PTPRT: variants seen among roughly 807,000 people sequenced by gnomAD.
PTPRT encodes the protein protein tyrosine phosphatase receptor type T.
PTPRT carries 56 observed loss-of-function variants against 176.8 expected under a neutral mutation model. The ratio of observed to expected loss-of-function variants is 0.32; its 90% CI spans 0.26 to 0.40. PTPRT has a LOEUF of 0.40. Ranked by LOEUF, PTPRT falls within the 10% of genes least tolerant of loss-of-function variation. PTPRT has a pLI of 1.00. For synonymous variants in PTPRT, 783 were observed against 739.0 expected (o/e 1.06, Z -0.96); for missense variants, 1,540 against 1,908.2 (o/e 0.81, Z 3.60).
At chr20:42,718,499 T>C (rs1007390846) in intron 6 of PTPRT, among the ~76,000 whole-genome samples, 1 of 152,014 alleles carries the variant, frequency 6.6e-6, no homozygotes, top group African/African-American at 2.4e-5. Flanking sequence ...ATTGCGCCAC[T>C]GCACTCCAGC....
intron 1 of PTPRT, among the ~76,000 whole-genome samples, chr20:43,185,665 G>A (rs1208947355): frequency 6.6e-6 from 1 of 152,178 alleles, no homozygotes; most frequent in Non-Finnish European, 1.5e-5. Flanking sequence ...TGGGCATGGT[G>A]GCTCACACCT....
chr20:42,814,733 A>G (rs370683710), intron 2 of PTPRT, among the ~76,000 whole-genome samples: 9 of 152,310 alleles, frequency 5.9e-5, no homozygotes, highest in African/African-American at 2.2e-4. Flanking sequence ...TGTCATTCAT[A>G]AGAATTCTCC....
intron 3 of PTPRT, among the ~76,000 whole-genome samples, chr20:42,785,396 A>T (rs1333712723): frequency 6.6e-6 from 1 of 152,250 alleles, no homozygotes; most frequent in East Asian, 1.9e-4. Flanking sequence ...TATTTAGCCC[A>T]TAGAATCATA....
At chr20:42,397,403 G>A (rs141546052) in intron 9 of PTPRT, among the ~76,000 whole-genome samples, 9 of 152,182 alleles carry the variant, frequency 5.9e-5, no homozygotes, top group Non-Finnish European at 1.3e-4. Context: ...TGTCACCCAG[G>A]TAGTGAGTGT....
intron 2 of PTPRT, among the ~76,000 whole-genome samples, chr20:42,877,658 C>A (rs940298311): frequency 1.3e-5 from 2 of 152,124 alleles, no homozygotes; most frequent in Non-Finnish European, 2.9e-5. Flanking sequence ...CCCAGCATTG[C>A]GGTTACAAAT....
At chr20:43,036,054 T>C (rs1335959731) in intron 1 of PTPRT, among the ~76,000 whole-genome samples, 1 of 152,114 alleles carries the variant, frequency 6.6e-6, no homozygotes, top group Non-Finnish European at 1.5e-5. Context: ...GGCCCAAATC[T>C]AAGGACAAAG....
intron 11 of PTPRT, among the ~76,000 whole-genome samples, chr20:42,342,558 G>C (rs2058127770): frequency 6.6e-6 from 1 of 152,094 alleles, no homozygotes; most frequent in African/African-American, 2.4e-5. Context: ...TGTAATTACA[G>C]TTTCTCATCT....
intron 2 of PTPRT, among the ~76,000 whole-genome samples, chr20:42,830,880 G>A (rs529977107): frequency 3.4e-4 from 51 of 152,160 alleles, no homozygotes; most frequent in African/African-American, 1.0e-3. Flanking sequence ...AACACTGCTC[G>A]AATAAATCAG....
intron 2 of PTPRT, among the ~76,000 whole-genome samples, chr20:42,817,742 T>A (rs897561417): frequency 1.3e-5 from 2 of 152,178 alleles, no homozygotes; most frequent in Non-Finnish European, 2.9e-5. Flanking sequence ...CCCAACACAC[T>A]GGCTGTGGCA....
In PTPRT at chr20:42,077,567, G is replaced by T. The variant is rs1982898213; in HGVS notation, c.*3312C>A. 4.6e-6 allele frequency: 1 copy of T among 218,496 alleles called. No homozygotes were observed. Among genetic ancestry groups the T allele is most frequent in the Non-Finnish European group, 9.2e-6 (1 of 108,710 alleles). The allele number at this position is 218,496 out of a possible 1,614,324, so 13.5% of individuals were successfully genotyped here. ...GGTGTTGGCTCCGGAGATTTCCTGG[G>T]TAAAGGAAAATGTTCAAATTCCTGG... On this transcript the variant is annotated 3_prime_UTR_variant, in exon 31 of 31. Transcript: ENST00000373187.
chr20:43,073,723 G>A (rs957394477), intron 1 of PTPRT, among the ~76,000 whole-genome samples: 1 of 151,714 alleles, frequency 6.6e-6, no homozygotes, highest in Non-Finnish European at 1.5e-5. Flanking sequence ...TACCCTCTAG[G>A]TTACAATTGT....
chr20:42,207,217 T>C (rs183230976), intron 15 of PTPRT, among the ~76,000 whole-genome samples: 1 of 152,088 alleles, frequency 6.6e-6, no homozygotes, highest in Non-Finnish European at 1.5e-5. Flanking sequence ...AAACTGGAAA[T>C]TCTAAAACGC....
intron 1 of PTPRT, among the ~76,000 whole-genome samples, chr20:43,095,870 A>C (rs966864840): frequency 7.1e-4 from 20 of 27,976 alleles, no homozygotes; most frequent in East Asian, 1.1e-3. Context: ...CTCTCTTTCC[A>C]CCCTCCCTCT....
At chr20:42,284,542 A>G (rs2057196431) in intron 12 of PTPRT, among the ~76,000 whole-genome samples, 1 of 152,094 alleles carries the variant, frequency 6.6e-6, no homozygotes, top group Admixed American at 6.6e-5. Context: ...GAACCTTATG[A>G]CATGTACTAG....
intron 7 of PTPRT, among the ~76,000 whole-genome samples, chr20:42,499,719 C>T (rs529734440): frequency 1.3e-5 from 2 of 152,222 alleles, no homozygotes; most frequent in Middle Eastern, 3.4e-3. Context: ...CTGCATGATG[C>T]GTCTGCAAGT....
chr20:42,674,062 T>C (rs1277556113), intron 7 of PTPRT, among the ~76,000 whole-genome samples: 1 of 152,170 alleles, frequency 6.6e-6, no homozygotes, highest in African/African-American at 2.4e-5. Context: ...ATTTCCAGCG[T>C]GATTAATAAT....
At chr20:42,756,302 C>T (rs3746533) in intron 6 of PTPRT, among the ~76,000 whole-genome samples, 160 bp downstream of exon 6, 30,010 of 152,152 alleles carry the variant, frequency 0.2, 3,396 homozygotes, top group African/African-American at 0.3. Context: ...TAGTTTCTCC[C>T]GTTTGGGGAG....
chr20:42,212,387 A>C (rs2055662516), intron 15 of PTPRT, among the ~76,000 whole-genome samples: 1 of 150,670 alleles, frequency 6.6e-6, no homozygotes, highest in African/African-American at 2.4e-5. Context: ...TGCTAGGAAA[A>C]TAAAGATGAC....
At chr20:42,307,695 A>T (rs1220931764) in intron 12 of PTPRT, among the ~76,000 whole-genome samples, 1 of 152,218 alleles carries the variant, frequency 6.6e-6, no homozygotes, top group African/African-American at 2.4e-5. Context: ...ACAGGAACAG[A>T]TATCAGGCTT....
Sources: gnomAD v4.1 joint callset for allele counts (sites outside exome capture counted in the v4.1 genomes callset) on GRCh38, gnomAD v4.1.1 for gene constraint, MANE v1.5 for transcripts, NCBI Gene and HGNC (gene_info 2026-07-23, HGNC 2026-07-21) for gene names.